Variants in COPB1 observed in about 807,000 individuals in gnomAD.
COPB1 encodes the protein coat protein complex I subunit beta 1, also known as coatomer subunit beta.
A neutral mutation model predicts 108.7 loss-of-function variants in COPB1; 21 were observed. The ratio of observed to expected loss-of-function variants is 0.19; its 90% CI spans 0.14 to 0.28. COPB1 has a LOEUF of 0.28. Among genes scored for constraint, COPB1 ranks in the 10% least tolerant of loss-of-function variants. The pLI, the probability that COPB1 is intolerant of heterozygous loss-of-function variation, is 1.00. For synonymous variants in COPB1, 378 were observed against 386.8 expected (o/e 0.98, Z 0.27); for missense variants, 919 against 1,141.3 (o/e 0.81, Z 2.81).
Position 14,483,228 on chromosome 11 carries a change from CCACACACACACACACACA to C in COPB1, c.838-95_838-78del, listed in dbSNP as rs3217599. ...TTGAAAATAAGCATGCGCGCGCACA[CCACACACACACACACACA>C]CACACACACACACTCCCATGAAGCC... is the stretch of plus-strand genomic sequence containing the variant. On this transcript the variant is annotated intron_variant, in intron 7 of 21. Transcript: ENST00000439561. 380 of 503,778 alleles carry C rather than the reference CCACACACACACACACACA, an allele frequency of 7.5e-4. 2 individuals carry two copies. Among genetic ancestry groups the C allele is most frequent in the African/African-American group, 6.6e-3 (344 of 51,974 alleles). 31.2% of individuals were successfully genotyped at this position (503,778 alleles called of 1,614,324 possible). A position where few individuals can be genotyped will look rare whatever the true frequency, so the allele number is the denominator to read the frequency against.
At chr11:14,460,010 G>A (rs975532705) in intron 20 of COPB1, 198 bp downstream of exon 20, 2 of 452,856 alleles carry the variant, frequency 4.4e-6, no homozygotes, top group South Asian at 4.7e-5. Flanking sequence ...TTGGGTCACT[G>A]CACTAGGAAA....
chr11:14,498,817 CAAAAT>C lies in COPB1; in HGVS notation c.91+16_91+20del. 6.5e-7 allele frequency: 1 copy of C among 1,537,494 alleles called. No homozygotes were observed. The highest frequency in any genetic ancestry group is 1.2e-5 in the South Asian group (1 of 80,976). ...GTTTTTTCTTTTTTCATTTCATTCT[CAAAAT>C]AATATCGAAGTTTACCTAGATCATT... On this transcript the variant is annotated intron_variant, in intron 2 of 21. Transcript: ENST00000439561.
In COPB1 at chr11:14,466,310, C is replaced by T. The variant is rs1259109726; in HGVS notation, c.2262G>A (p.Gln754=). 6.2e-7 allele frequency: 1 copy of T among 1,613,568 alleles called. No homozygotes were observed. The highest frequency in any genetic ancestry group is 2.2e-5 in the East Asian group (1 of 44,814). ...LVVNQTSDTL[Q]NCTLELATLG... ...GTGTAGCTAGTTCTAATGTGCAATT[C>T]TGCAAAGTATCACTGGTTTGGTTCA... The change falls in exon 17 of 22, where the codon CAG becomes CAA. Residue 754 remains glutamine (Q), a synonymous_variant. Transcript: ENST00000439561.
chr11:14,474,583 T>A lies in COPB1; in HGVS notation c.1649A>T (p.Asp550Val), dbSNP rs1260361651. 4 of 1,613,838 alleles carry A rather than the reference T, an allele frequency of 2.5e-6. No homozygotes were observed. The highest frequency in any genetic ancestry group is 3.4e-6 in the Non-Finnish European group (4 of 1,179,892). ...GGCAAGGGAGGCAGCAACAAAGAAA[T>A]CTCCATCCAGAAGGAATCCTCTCAA... ...PPLRGFLLDGDFFVAASLATT... is the reference protein window; with the variant it reads ...PPLRGFLLDGVFFVAASLATT... The change falls in exon 14 of 22, where the codon GAT becomes GTT. Residue 550 changes from aspartate (D) to valine (V), a missense_variant. Physicochemically the swap from Asp to Val is radical, Grantham distance 152. Coordinates refer to ENST00000439561, the MANE Select transcript of COPB1 (RefSeq NM_001144061.2).
At chr11:14,487,783 C>T (rs77568262) in intron 6 of COPB1, among the ~76,000 whole-genome samples, 141 of 152,180 alleles carry the variant, frequency 9.3e-4, no homozygotes, top group Non-Finnish European at 1.6e-3. Flanking sequence ...TAAGAGGAGC[C>T]CCTTTCTTAC....
At chr11:14,477,067 A>G in intron 11 of COPB1, 52 bp from the exon 12 acceptor site, 1 of 1,210,962 alleles carries the variant, frequency 8.3e-7, no homozygotes, top group Non-Finnish European at 1.2e-6. Flanking sequence ...ATCTTGAAGC[A>G]GAGATCTTTC....
intron 5 of COPB1, among the ~76,000 whole-genome samples, chr11:14,490,286 A>G (rs571572399): frequency 1.3e-5 from 2 of 152,366 alleles, no homozygotes; most frequent in South Asian, 4.1e-4. Context: ...CCATCATAGG[A>G]AAGAACAGTC....
chr11:14,483,373 A>G (rs1275579854), intron 7 of COPB1, among the ~76,000 whole-genome samples: 2 of 152,128 alleles, frequency 1.3e-5, no homozygotes, highest in Non-Finnish European at 2.9e-5. Context: ...TCAAACTTAC[A>G]GAAGATTAGA....
intron 7 of COPB1, among the ~76,000 whole-genome samples, chr11:14,484,138 C>G (rs1042946213): frequency 6.6e-6 from 1 of 152,170 alleles, no homozygotes; most frequent in Non-Finnish European, 1.5e-5. Flanking sequence ...GGATATTTTA[C>G]AAACAAACCA....
chr11:14,494,033 T>C (rs541401010), intron 3 of COPB1, among the ~76,000 whole-genome samples, 177 bp downstream of exon 3: 26 of 152,304 alleles, frequency 1.7e-4, no homozygotes, highest in African/African-American at 6.0e-4. Flanking sequence ...ATAAAATGCA[T>C]AGAAAATGTC....
intron 2 of COPB1, among the ~76,000 whole-genome samples, chr11:14,498,394 GA>G (rs1445182946): frequency 6.6e-6 from 1 of 152,098 alleles, no homozygotes; most frequent in Non-Finnish European, 1.5e-5. Context: ...AACTTTTCTG[GA>G]AAATACATGT....
chr11:14,461,213 C>T lies in COPB1; in HGVS notation c.2529G>A (p.Met843Ile). The T allele has an allele frequency of 6.2e-7, 1 of 1,614,166 alleles. No homozygotes were observed. Among genetic ancestry groups the T allele is most frequent in the Non-Finnish European group, 8.5e-7 (1 of 1,180,034 alleles). Reference protein sequence around the residue: ...ATCTDAEFRQMWAEFEWENKV... With the variant: ...ATCTDAEFRQIWAEFEWENKV... ...TGTTTTCCCATTCAAATTCGGCCCA[C>T]ATCTGACGGAATTCTGCATCAGTGC... Residue 843 changes from methionine to isoleucine, a missense_variant, in exon 19 of 22, where the codon ATG (methionine) becomes ATA (isoleucine). Met to Ile is a conservative substitution (Grantham distance 10). Transcript: ENST00000439561.
At chr11:14,482,112 G>A (rs1213465494) in intron 8 of COPB1, among the ~76,000 whole-genome samples, 1 of 152,066 alleles carries the variant, frequency 6.6e-6, no homozygotes, top group Non-Finnish European at 1.5e-5. Context: ...CTTTACTGCT[G>A]ATAATTTTAG....
chr11:14,460,485 A>ACACAC (rs1172630186), intron 19 of COPB1, among the ~76,000 whole-genome samples, 188 bp from the exon 20 acceptor site: 1 of 152,142 alleles, frequency 6.6e-6, no homozygotes, highest in African/African-American at 2.4e-5. Flanking sequence ...CAATAGAGAT[A>ACACAC]ACTTCACAGA....
intron 16 of COPB1, among the ~76,000 whole-genome samples, chr11:14,468,047 C>T (rs1296746887): frequency 6.6e-6 from 1 of 152,020 alleles, no homozygotes; most frequent in African/African-American, 2.4e-5. Flanking sequence ...TCTTTTGCAA[C>T]TTTAACTATA....
chr11:14,471,899 G>A (rs904631370), intron 14 of COPB1, among the ~76,000 whole-genome samples: 1 of 152,324 alleles, frequency 6.6e-6, no homozygotes, highest in African/African-American at 2.4e-5. Context: ...TCCGGCCTGG[G>A]CAAGAAGAGT....
At position 14,457,880 on chromosome 11, in the gene COPB1, T is replaced by A. The variant is rs746341161; in HGVS notation, c.2806A>T (p.Met936Leu). ...HIRIRAKSQG[M>L]ALSLGDKINL... ...ATTTTATCTCCAAGACTTAAGGCCA[T>A]TCCCTGTAAAGAAAAATTAAGATAT... Residue 936 changes from methionine to leucine, a missense_variant, in exon 22 of 22, where the codon ATG becomes TTG. Coordinates refer to ENST00000439561, the MANE Select transcript of COPB1 (RefSeq NM_001144061.2). 6.4e-7 allele frequency: 1 copy of A among 1,562,158 alleles called. No homozygotes were observed. The highest frequency in any genetic ancestry group is 1.2e-5 in the South Asian group (1 of 85,326).
At chr11:14,479,858 T>G in intron 10 of COPB1, 144 bp from the exon 11 acceptor site, 1 of 795,914 alleles carries the variant, frequency 1.3e-6, no homozygotes. Context: ...GGCTAGAGAA[T>G]AGTGGCACAA....
intron 8 of COPB1, 47 bp downstream of exon 8, chr11:14,482,985 T>C (rs941420866): frequency 3.4e-6 from 5 of 1,467,466 alleles, no homozygotes; most frequent in Non-Finnish European, 4.6e-6. Context: ...TGACCTAAAT[T>C]TGAAAAACAT....
Sources: allele counts gnomAD v4.1 joint callset (sites outside exome capture counted in the v4.1 genomes callset), GRCh38; gene constraint gnomAD v4.1.1; transcripts MANE v1.5; gene names NCBI Gene and HGNC (gene_info 2026-07-23, HGNC 2026-07-21).